The following RELN variants were observed in gnomAD, a reference collection of about 807,000 sequenced individuals.
RELN encodes the protein reelin.
Under a neutral mutation model 427.6 loss-of-function variants are expected in RELN, and 108 were observed. The ratio of observed to expected loss-of-function variants is 0.25; its 90% CI spans 0.22 to 0.30. The LOEUF (loss-of-function observed/expected upper bound fraction) is 0.30. RELN is among the 10% of genes least tolerant of loss of function. RELN has a pLI of 1.00. For synonymous variants in RELN, 1,524 were observed against 1,513.4 expected (o/e 1.01, Z -0.16); for missense variants, 3,715 against 4,302.8 (o/e 0.86, Z 3.82).
intron 27 of RELN, among the ~76,000 whole-genome samples, chr7:103,592,115 C>A (rs1356083238): frequency 6.6e-6 from 1 of 152,054 alleles, no homozygotes; most frequent in Non-Finnish European, 1.5e-5. Context: ...CGGGAGTTTG[C>A]TGTACAGATC....
chr7:103,866,273 T>C (rs1483516857), intron 2 of RELN, among the ~76,000 whole-genome samples: 2 of 152,122 alleles, frequency 1.3e-5, no homozygotes, highest in African/African-American at 4.8e-5. Context: ...ACTACAGCTT[T>C]AATACAACAA....
At chr7:103,695,272 A>G (rs1833954216) in intron 10 of RELN, among the ~76,000 whole-genome samples, 1 of 152,220 alleles carries the variant, frequency 6.6e-6, no homozygotes. Context: ...TAAATGAACT[A>G]AAATGACAAA....
At chr7:103,489,967 A>G (rs1828593243) in intron 59 of RELN, 68 bp from the exon 60 acceptor site, 1 of 1,580,652 alleles carries the variant, frequency 6.3e-7, no homozygotes. Context: ...TCCTGCCTCC[A>G]GCCTCTGGGA....
At chr7:103,572,358 A>T in intron 30 of RELN, 98 bp from the exon 31 acceptor site, 4 of 717,726 alleles carry the variant, frequency 5.6e-6, no homozygotes, top group Non-Finnish European at 1.0e-5. Context: ...TCCTGTATTT[A>T]TTAAGTACTA....
intron 55 of RELN, among the ~76,000 whole-genome samples, chr7:103,497,593 A>G (rs182340269): frequency 2.0e-5 from 3 of 152,346 alleles, no homozygotes; most frequent in East Asian, 3.9e-4. Context: ...TTCTTTATTC[A>G]TAAAGTTTGG....
intron 4 of RELN, among the ~76,000 whole-genome samples, chr7:103,773,179 C>CTTT (rs1791630033): frequency 2.9e-5 from 3 of 103,542 alleles, no homozygotes; most frequent in African/African-American, 1.1e-4. Flanking sequence ...TCTTTCTTTC[C>CTTT]TTCTTTCTTT....
intron 4 of RELN, among the ~76,000 whole-genome samples, chr7:103,756,332 C>G (rs1034186719): frequency 2.6e-5 from 4 of 152,254 alleles, no homozygotes; most frequent in African/African-American, 9.6e-5. Context: ...TTTAAAACCT[C>G]CTTGACCGAT....
At chr7:103,490,029 C>A (rs1828595371) in intron 59 of RELN, 130 bp from the exon 60 acceptor site, 1 of 1,039,640 alleles carries the variant, frequency 9.6e-7, no homozygotes, top group South Asian at 1.4e-5. Context: ...CTGAAGCACC[C>A]TGCTGGCAGA....
chr7:103,839,796 G>A (rs39383), intron 2 of RELN, among the ~76,000 whole-genome samples: 58,846 of 151,910 alleles, frequency 0.39, 11,740 homozygotes, highest in Non-Finnish European at 0.43. Flanking sequence ...GGAGTGTTAC[G>A]TTCTTCATTT....
rs1482391673 is a variant in RELN, at chr7:103,563,586, C to A, written c.5211-1633G>T. Among the ~76,000 whole-genome samples the A allele has an allele frequency of 1.3e-5, 2 of 152,022 alleles. No homozygotes were observed. Among genetic ancestry groups the A allele is most frequent in the African/African-American group, 2.4e-5 (1 of 41,380 alleles). On this transcript the variant is annotated intron_variant, in intron 34 of 64. Transcript: ENST00000428762. This position sits in a 1 kb window ranked among gnomAD's most constrained non-coding sequence, Gnocchi z 4.1. The stretch of plus-strand genomic sequence containing the variant: ...TTATTATTGAAGAAAGAAAAATATT[C>A]TTTTTTTAAATTTAGTGGAGCCTAA...
intron 13 of RELN, among the ~76,000 whole-genome samples, chr7:103,653,324 T>C (rs980930304): frequency 6.6e-6 from 1 of 152,116 alleles, no homozygotes; most frequent in Non-Finnish European, 1.5e-5. Context: ...CCAAATGGTA[T>C]AACTTGGGTT....
chr7:103,516,954 A>G (rs1829580712), intron 49 of RELN, among the ~76,000 whole-genome samples: 1 of 152,094 alleles, frequency 6.6e-6, no homozygotes, highest in African/African-American at 2.4e-5. Flanking sequence ...TGAATTTTAA[A>G]TACTTTTTTC....
chr7:103,625,721 C>T (rs963021011), intron 20 of RELN, among the ~76,000 whole-genome samples: 7 of 148,884 alleles, frequency 4.7e-5, no homozygotes, highest in African/African-American at 1.5e-4. Flanking sequence ...AAAAAGATAA[C>T]ATGCAAAGAA....
chr7:103,925,308 C>T lies in RELN; in HGVS notation c.227-8123G>A, dbSNP rs138441661. On this transcript the variant is annotated intron_variant, in intron 1 of 64. Coordinates refer to ENST00000428762, the MANE Select transcript of RELN (RefSeq NM_005045.4). ...ACTGCACTTAAAGCAGGAATAATTT[C>T]ATTTTATCATCCACTTTTGGCCTTT... Among the ~76,000 whole-genome samples the T allele has an allele frequency of 2.6e-5, 4 of 152,228 alleles. No individual in the cohort carries two copies. The East Asian group carries it at 7.7e-4, about 29-fold the overall frequency.
At chr7:103,848,008 T>C (rs916677149) in intron 2 of RELN, among the ~76,000 whole-genome samples, 1 of 152,210 alleles carries the variant, frequency 6.6e-6, no homozygotes, top group Non-Finnish European at 1.5e-5. Flanking sequence ...CTGGAGCTGT[T>C]TGTATATGGC....
chr7:103,496,531 T>G lies in RELN; in HGVS notation c.9188A>C (p.Asp3063Ala). Reference protein sequence around the residue: ...INPSQLVDTFDDEGTSHEENW... With the variant: ...INPSQLVDTFADEGTSHEENW... ...TTCAATGTCTTGTTTCTTACCATCATCAAAAGTGTCCACCAATTGGCTGGG... is the reference window on the plus strand; with the variant it reads ...TTCAATGTCTTGTTTCTTACCATCAGCAAAAGTGTCCACCAATTGGCTGGG... Residue 3063 changes from aspartate to alanine, a missense_variant, in exon 56 of 65, where the codon GAT becomes GCT. By Grantham distance (126) the Asp-to-Ala change is moderately radical (BLOSUM62 -2). This residue lies in a region of RELN where 1,310 missense variants were observed against 1,643.0 expected (regional missense o/e 0.80). Transcript: ENST00000428762. The G allele has an allele frequency of 6.2e-7, 1 of 1,614,142 alleles. No individual in the cohort carries two copies. Among genetic ancestry groups the G allele is most frequent in the Non-Finnish European group, 8.5e-7 (1 of 1,179,998 alleles).
chr7:103,543,021 G>C (rs998705068), intron 42 of RELN, 143 bp from the exon 43 acceptor site: 1 of 857,756 alleles, frequency 1.2e-6, no homozygotes, highest in South Asian at 1.6e-5. Context: ...AGGATAAGAG[G>C]CCTTTTCAAC....
At chr7:103,939,314 G>A (rs1264592353) in intron 1 of RELN, among the ~76,000 whole-genome samples, 1 of 152,098 alleles carries the variant, frequency 6.6e-6, no homozygotes, top group Non-Finnish European at 1.5e-5. Flanking sequence ...TAATTTTGTA[G>A]TGATTAGATA....
At chr7:103,534,808 T>G (rs10487160) in intron 46 of RELN, among the ~76,000 whole-genome samples, 21,794 of 152,122 alleles carry the variant, frequency 0.14, 2,213 homozygotes, top group East Asian at 0.42. Context: ...TCACATAAAA[T>G]AATGCTTCAG....
Sources: gnomAD v4.1 joint callset for allele counts (sites outside exome capture counted in the v4.1 genomes callset) on GRCh38, gnomAD v4.1.1 for gene constraint, gnomAD v4.1.1 regional missense constraint, Gnocchi (gnomAD v3.1) non-coding constraint, MANE v1.5 for transcripts, NCBI Gene and HGNC (gene_info 2026-07-23, HGNC 2026-07-21) for gene names.